BRD2: variants seen among roughly 807,000 people sequenced by gnomAD.
BRD2 encodes bromodomain containing 2.
A neutral mutation model predicts 79.1 loss-of-function variants in BRD2; 15 were observed. The ratio of observed to expected loss-of-function variants is 0.19; its 90% CI spans 0.13 to 0.29. The LOEUF (loss-of-function observed/expected upper bound fraction) is 0.29, where lower values mean the gene tolerates loss of function less well. Ranked by LOEUF, BRD2 falls within the 10% of genes least tolerant of loss-of-function variation. The probability of loss-of-function intolerance (pLI) is 1.00; values close to 1 mark genes in which losing one functional copy is unlikely to be tolerated. For missense variants in BRD2, 1,053 were observed against 991.3 expected, an observed-to-expected ratio of 1.06 and a Z score of -0.84; for synonymous variants, 488 against 358.6, an observed-to-expected ratio of 1.36 and a Z score of -4.08.
At position 32,971,782 on chromosome 6, in the gene BRD2, A is replaced by T; in HGVS notation, c.-1117A>T. ...CAGTCTCCAGTTGGGCTGTGCATGG[A>T]AGCTTGGGAAGACTTTGTTGGAAGG... On this transcript the variant is annotated 5_prime_UTR_variant, in exon 2 of 13. An upstream open reading frame in the 5' UTR gains an earlier in-frame stop. Coordinates refer to ENST00000374825, the MANE Select transcript of BRD2 (RefSeq NM_005104.4). 1.6e-6 allele frequency: 1 copy of T among 624,868 alleles called. No homozygotes were observed. The highest frequency in any genetic ancestry group is 2.9e-6 in the Non-Finnish European group (1 of 349,734). The allele number at this position is 624,868 out of a possible 1,614,324, so 38.7% of individuals were successfully genotyped here. A position where few individuals can be genotyped will look rare whatever the true frequency, so the allele number is the denominator to read the frequency against.
Position 32,972,163 on chromosome 6 carries a change from C to A in BRD2, c.-736C>A, listed in dbSNP as rs1778084140. The A allele has an allele frequency of 1.6e-6, 1 of 628,350 alleles. No individual in the cohort carries two copies. Among genetic ancestry groups the A allele is most frequent in the South Asian group, 1.7e-5 (1 of 58,450 alleles). 38.9% of individuals were successfully genotyped at this position (628,350 alleles called of 1,614,324 possible). On this transcript the variant is annotated 5_prime_UTR_variant, in exon 2 of 13. Transcript: ENST00000374825. ...TGAGCGGCGAAGCTCCTCCTCCCCG[C>A]CTATATATAAAGGGCTGGCGCGGGG...
chr6:32,974,764 CGGTGAGTAGAGACATTGGA>C lies in BRD2; in HGVS notation c.333+1_333+19del. 6.2e-7 allele frequency: 1 copy of C among 1,612,824 alleles called. No homozygotes were observed. The highest frequency in any genetic ancestry group is 8.5e-7 in the Non-Finnish European group (1 of 1,179,218). On this transcript the variant is annotated splice_donor_variant and splice_donor_5th_base_variant and coding_sequence_variant and intron_variant, in exon 3 of 13. Transcript: ENST00000374825. LOFTEE classifies it high-confidence loss of function. The stretch of plus-strand genomic sequence containing the variant: ...GTGGATGCTGTCAAACTGGGTCTAC[CGGTGAGTAGAGACATTGGA>C]GCCGGGGAGGTGTGGGATGAGCAAG...
In BRD2 at chr6:32,977,752, T is replaced by A; in HGVS notation, c.1330-5T>A. The stretch of plus-strand genomic sequence containing the variant: ...GCATAGTTTTGAGTTTGTGCCTCTT[T>A]GTAGGATGTATTTGAGTTCCGTTAT... On this transcript the variant is annotated splice_region_variant and splice_polypyrimidine_tract_variant and intron_variant, in intron 8 of 12. Transcript: ENST00000374825. 1 of 1,612,924 alleles carries A rather than the reference T, an allele frequency of 6.2e-7. No homozygotes were observed. Among genetic ancestry groups the A allele is most frequent in the African/African-American group, 1.3e-5 (1 of 75,034 alleles).
At chr6:32,975,725 A>G (rs1480749185) in intron 4 of BRD2, among the ~76,000 whole-genome samples, 5 of 152,258 alleles carry the variant, frequency 3.3e-5, no homozygotes, top group Non-Finnish European at 5.9e-5. Flanking sequence ...AAGGTTATTT[A>G]GAACACTTCA....
In BRD2 at chr6:32,980,479, T is replaced by A; in HGVS notation, c.2269+15T>A. 3 of 1,612,964 alleles carry A rather than the reference T, an allele frequency of 1.9e-6. No individual in the cohort carries two copies. Among genetic ancestry groups the A allele is most frequent in the Non-Finnish European group, 2.5e-6 (3 of 1,179,984 alleles). Reference sequence around the variant, plus strand: ...CCCCAAGAAAGGTGAGTATATACTTTCATGCCACTACAGATTGACTCCATC... The same window carrying A: ...CCCCAAGAAAGGTGAGTATATACTTACATGCCACTACAGATTGACTCCATC... On this transcript the variant is annotated intron_variant, in intron 12 of 12. Transcript: ENST00000374825.
intron 3 of BRD2, chr6:32,975,113 G>A (rs948488982): frequency 4.6e-6 from 7 of 1,508,922 alleles, no homozygotes; most frequent in East Asian, 2.6e-5. Flanking sequence ...AGCCCCAGAG[G>A]TAATGTCACA....
chr6:32,978,637 A>G (rs1779095297), intron 10 of BRD2: 1 of 611,896 alleles, frequency 1.6e-6, no homozygotes, highest in African/African-American at 1.8e-5. Flanking sequence ...TTGGATTCCC[A>G]TAAGGAGCAT....
At chr6:32,979,257 T>C (rs910793840) in intron 10 of BRD2, 6 of 157,452 alleles carry the variant, frequency 3.8e-5, no homozygotes, top group African/African-American at 1.4e-4. Context: ...TATGTAGTTT[T>C]AGTGGAGACG....
intron 1 of BRD2, chr6:32,971,343 C>T: frequency 2.7e-6 from 1 of 370,314 alleles, no homozygotes. Flanking sequence ...GGTGCTTGGA[C>T]GTGCAAATTT....
chr6:32,978,692 C>T (rs984401441), intron 10 of BRD2: 4 of 451,810 alleles, frequency 8.9e-6, no homozygotes, highest in Non-Finnish European at 1.6e-5. Flanking sequence ...AGGGTTCATG[C>T]TTCTATGAGA....
chr6:32,971,763 C>G lies in BRD2; in HGVS notation c.-1136C>G, dbSNP rs762244442. 3 of 602,076 alleles carry G rather than the reference C, an allele frequency of 5.0e-6. No homozygotes were observed. The highest frequency in any genetic ancestry group is 8.9e-6 in the Non-Finnish European group (3 of 338,894). 37.3% of individuals were successfully genotyped at this position (602,076 alleles called of 1,614,324 possible). The stretch of plus-strand genomic sequence containing the variant: ...ACGACCTGCTCGAGCTTGGCAGTCT[C>G]CAGTTGGGCTGTGCATGGAAGCTTG... On this transcript the variant is annotated 5_prime_UTR_variant, in exon 2 of 13. Transcript: ENST00000374825.
chr6:32,976,536 G>A (rs1381922509), intron 6 of BRD2, 26 bp from the exon 7 acceptor site: 3 of 1,592,390 alleles, frequency 1.9e-6, no homozygotes, highest in African/African-American at 1.3e-5. Context: ...GGAGTGACAG[G>A]TTCCCTATCT....
In BRD2 at chr6:32,978,378, A is replaced by G; in HGVS notation, c.1831A>G (p.Ser611Gly). The G allele has an allele frequency of 1.2e-6, 2 of 1,612,028 alleles. No homozygotes were observed. Among genetic ancestry groups the G allele is most frequent in the East Asian group, 2.2e-5 (1 of 44,880 alleles). ...TTCTGGCTTTGGACCTTCTGGAGGA[A>G]GTGGCACCAAGTGAGTTAGAGTAGG... ...GPSGFGPSGG[S>G]GTKLPKKATK... Residue 611 changes from serine (S) to glycine (G), a missense_variant, in exon 10 of 13, where the codon AGT becomes GGT. Physicochemically the swap from Ser to Gly is moderately conservative, Grantham distance 56. Coordinates refer to ENST00000374825, the MANE Select transcript of BRD2 (RefSeq NM_005104.4).
intron 10 of BRD2, chr6:32,978,732 G>A (rs1162819181): frequency 2.9e-6 from 1 of 339,788 alleles, no homozygotes; most frequent in Non-Finnish European, 5.4e-6. Flanking sequence ...GTGACAGGCA[G>A]TGATGCCCAC....
At position 32,978,395 on chromosome 6, in the gene BRD2, T is replaced by TA. The variant is rs1160759746; in HGVS notation, c.1841+8dup. ...CTGGAGGAAGTGGCACCAAGTGAGT[T>TA]AGAGTAGGAAGCAGAGACTAGTTTG... On this transcript the variant is annotated splice_region_variant and intron_variant, in intron 10 of 12. Transcript: ENST00000374825. The TA allele has an allele frequency of 1.2e-6, 2 of 1,610,590 alleles. No homozygotes were observed. The highest frequency in any genetic ancestry group is 1.7e-4 in the Middle Eastern group (1 of 5,792).
At chr6:32,977,184 G>A (rs1778876520) in intron 7 of BRD2, 3 of 1,428,886 alleles carry the variant, frequency 2.1e-6, no homozygotes, top group Admixed American at 2.0e-5. Flanking sequence ...TGGCAGTGTT[G>A]GGTTAAGGAA....
Position 32,976,893 on chromosome 6 carries a change from A to G in BRD2, c.1157A>G (p.Tyr386Cys). The G allele has an allele frequency of 1.2e-6, 2 of 1,613,012 alleles. No homozygotes were observed. Among genetic ancestry groups the G allele is most frequent in the Non-Finnish European group, 1.7e-6 (2 of 1,179,966 alleles). The stretch of plus-strand genomic sequence containing the variant: ...GCTTCTGCACTTGGCCTGCATGACT[A>G]CCATGACATCATTAAGCACCCCATG... Reference protein sequence around the residue: ...VDASALGLHDYHDIIKHPMDL... With the variant: ...VDASALGLHDCHDIIKHPMDL... Residue 386 changes from tyrosine (Y) to cysteine (C), a missense_variant, in exon 7 of 13, where the codon TAC becomes TGC. Physicochemically the swap from Tyr to Cys is radical, Grantham distance 194. Around this residue, in one of 5 missense-constraint regions of BRD2, gnomAD observed 454 missense variants for 430.5 expected, o/e 1.05. Coordinates refer to ENST00000374825, the MANE Select transcript of BRD2 (RefSeq NM_005104.4).
chr6:32,974,581 C>G lies in BRD2; in HGVS notation c.149C>G (p.Ser50Trp), dbSNP rs770137865. The G allele has an allele frequency of 1.9e-5, 30 of 1,614,090 alleles. No homozygotes were observed. Among genetic ancestry groups the G allele is most frequent in the Admixed American group, 3.3e-5 (2 of 60,016 alleles). ...GGCTTTGAGAGCCCCACAATGGCTT[C>G]GGTGCCTGCTTTGCAACTTACCCCT... The part of the protein sequence containing the change: ...YEGFESPTMA[S>W]VPALQLTPAN... Residue 50 changes from serine to tryptophan, a missense_variant, in exon 3 of 13, where the codon TCG becomes TGG. Ser to Trp is a radical substitution (Grantham distance 177). Transcript: ENST00000374825.
rs894261474 is a variant in BRD2 at position 32,974,910 on chromosome 6, A to G, written c.333+145A>G. 3.4e-4 allele frequency: 474 copies of G among 1,385,812 alleles called. 1 individual carries two copies. The highest frequency in any genetic ancestry group is 1.2e-3 in the Middle Eastern group (6 of 5,004). The allele number at this position is 1,385,812 out of a possible 1,614,324, so 85.8% of individuals were successfully genotyped here. ...GCAGTTAGCTACCAGATTTCTGGGT[A>G]TCTTGGTCCTTTGTGATTGATCCGA... On this transcript the variant is annotated intron_variant, in intron 3 of 12. Transcript: ENST00000374825.
Sources: allele counts gnomAD v4.1 joint callset (sites outside exome capture counted in the v4.1 genomes callset), GRCh38; gene constraint gnomAD v4.1.1; regional missense constraint gnomAD v4.1.1; transcripts MANE v1.5; gene names NCBI Gene and HGNC (gene_info 2026-07-23, HGNC 2026-07-21).